Variants in KCNIP4 observed in about 807,000 individuals in gnomAD.
The protein encoded by KCNIP4 is potassium voltage-gated channel interacting protein 4.
Under a neutral mutation model 34.0 loss-of-function variants are expected in KCNIP4, and 12 were observed. The ratio of observed to expected loss-of-function variants is 0.35; its 90% CI spans 0.23 to 0.57. The LOEUF is 0.57. KCNIP4 is among the 20% of genes least tolerant of loss of function. The pLI is 0.83. For synonymous variants in KCNIP4, 124 were observed against 102.2 expected, an observed-to-expected ratio of 1.21 and a Z score of -1.29; for missense variants, 238 against 311.7, an observed-to-expected ratio of 0.76 and a Z score of 1.78.
chr4:21,166,938 C>CAAAAAAAAAAAAAAAAAAA (rs55649635), intron 1 of KCNIP4, among the ~76,000 whole-genome samples: 13 of 37,562 alleles, frequency 3.5e-4, no homozygotes, highest in African/African-American at 1.4e-3. Flanking sequence ...CACTCCATCT[C>CAAAAAAAAAAAAAAAAAAA]AAAAAAAAAA....
At chr4:21,070,842 A>G (rs1203742732) in intron 1 of KCNIP4, among the ~76,000 whole-genome samples, 1 of 151,134 alleles carries the variant, frequency 6.6e-6, no homozygotes, top group African/African-American at 2.4e-5. Context: ...TGCACGGCTA[A>G]TTTTTTGTAT....
At chr4:21,238,106 T>C (rs994146306) in intron 1 of KCNIP4, among the ~76,000 whole-genome samples, 1 of 152,124 alleles carries the variant, frequency 6.6e-6, no homozygotes, top group Non-Finnish European at 1.5e-5. Flanking sequence ...ATCCAGCATA[T>C]AAACAGAACC....
chr4:20,864,021 TATACATAC>T (rs1722496443), intron 2 of KCNIP4, among the ~76,000 whole-genome samples: 16 of 133,084 alleles, frequency 1.2e-4, no homozygotes, highest in Non-Finnish European at 2.6e-4. Flanking sequence ...TGTGTGTATG[TATACATAC>T]ATATGTATGT....
At chr4:21,007,210 C>A (rs995467422) in intron 1 of KCNIP4, among the ~76,000 whole-genome samples, 1 of 152,132 alleles carries the variant, frequency 6.6e-6, no homozygotes, top group Admixed American at 6.5e-5. Flanking sequence ...AGTCATCCAG[C>A]GTTGAAAGGC....
At chr4:20,934,490 G>A (rs1356557399) in intron 1 of KCNIP4, among the ~76,000 whole-genome samples, 1 of 151,642 alleles carries the variant, frequency 6.6e-6, no homozygotes, top group Non-Finnish European at 1.5e-5. Context: ...CAAATCCTTG[G>A]CAACTTTTTG....
At chr4:21,520,414 A>G (rs12647938) in intron 1 of KCNIP4, among the ~76,000 whole-genome samples, 49,009 of 152,076 alleles carry the variant, frequency 0.32, 8,250 homozygotes, top group South Asian at 0.46. Flanking sequence ...TATAGTAGCC[A>G]GAATTGACTA....
At chr4:20,848,417 A>G (rs1162102058) in intron 3 of KCNIP4, among the ~76,000 whole-genome samples, 1 of 151,898 alleles carries the variant, frequency 6.6e-6, no homozygotes, top group African/African-American at 2.4e-5. Flanking sequence ...GGATTAAAAA[A>G]GGGGAAAGAA....
intron 1 of KCNIP4, among the ~76,000 whole-genome samples, chr4:21,064,033 A>T (rs750902694): frequency 1.4e-4 from 21 of 152,148 alleles, no homozygotes; most frequent in Non-Finnish European, 5.9e-5. Flanking sequence ...ACTTGAAAAT[A>T]ATTAATTCTT....
intron 1 of KCNIP4, among the ~76,000 whole-genome samples, chr4:21,402,543 A>G (rs996025292): frequency 6.6e-6 from 1 of 152,178 alleles, no homozygotes; most frequent in Non-Finnish European, 1.5e-5. Flanking sequence ...CTGGTTTCCT[A>G]ACAATGGTAG....
chr4:21,298,100 C>G (rs1763944390), intron 1 of KCNIP4, among the ~76,000 whole-genome samples: 2 of 152,118 alleles, frequency 1.3e-5, no homozygotes, highest in Non-Finnish European at 2.9e-5. Flanking sequence ...TTCAGTCTTG[C>G]ATGATTGAGA....
In KCNIP4 at chr4:21,279,090, G is replaced by C. The variant is rs1762614820; in HGVS notation, c.62-396381C>G. 2.0e-5 allele frequency among the ~76,000 whole-genome samples: 3 copies of C among 152,158 alleles called. No individual in the cohort carries two copies. In the South Asian group the frequency reaches 6.2e-4, roughly 32 times the overall value. Reference sequence around the variant, plus strand: ...TGGAAAACTCAAGGACGATGAGTAAGAACAGATGTATTATGAAAGCTTATA... The same window carrying C: ...TGGAAAACTCAAGGACGATGAGTAACAACAGATGTATTATGAAAGCTTATA... On this transcript the variant is annotated intron_variant, in intron 1 of 8. Transcript: ENST00000382152.
intron 1 of KCNIP4, among the ~76,000 whole-genome samples, chr4:20,962,158 T>C (rs1471761191): frequency 6.6e-6 from 1 of 152,272 alleles, no homozygotes; most frequent in East Asian, 1.9e-4. Flanking sequence ...TGGGAGCAAA[T>C]TGCCAAAGAA....
chr4:20,775,745 C>A (rs757457332), intron 3 of KCNIP4, among the ~76,000 whole-genome samples: 18 of 152,116 alleles, frequency 1.2e-4, no homozygotes, highest in Non-Finnish European at 2.1e-4. Flanking sequence ...ATTGTTTTTA[C>A]AGTATATTCT....
intron 1 of KCNIP4, among the ~76,000 whole-genome samples, chr4:21,945,480 T>G (rs1309712324): frequency 2.6e-5 from 4 of 152,222 alleles, no homozygotes; most frequent in Non-Finnish European, 1.5e-5. Flanking sequence ...ATTACTAATT[T>G]GAGTTTGCCT....
intron 1 of KCNIP4, among the ~76,000 whole-genome samples, chr4:20,952,494 T>C (rs1732881665): frequency 6.6e-6 from 1 of 152,144 alleles, no homozygotes; most frequent in Non-Finnish European, 1.5e-5. Context: ...ATTGATACCT[T>C]GACAAGATGT....
At chr4:20,822,707 A>G (rs936561429) in intron 3 of KCNIP4, among the ~76,000 whole-genome samples, 4 of 152,188 alleles carry the variant, frequency 2.6e-5, no homozygotes, top group African/African-American at 9.6e-5. Flanking sequence ...CGCATGTGAG[A>G]AAAACATGAA....
chr4:21,721,519 T>C (rs1714820916), intron 1 of KCNIP4, among the ~76,000 whole-genome samples: 2 of 152,190 alleles, frequency 1.3e-5, no homozygotes. Context: ...ATAATCAACA[T>C]AGTTTCTAAT....
chr4:21,767,467 G>C (rs1057490180), intron 1 of KCNIP4, among the ~76,000 whole-genome samples: 2 of 151,960 alleles, frequency 1.3e-5, no homozygotes, highest in African/African-American at 4.8e-5. Context: ...ACAGGTGAGA[G>C]AGGTCGATGG....
chr4:21,406,352 G>T (rs772901355), intron 1 of KCNIP4, among the ~76,000 whole-genome samples: 33 of 152,082 alleles, frequency 2.2e-4, no homozygotes, highest in Non-Finnish European at 3.1e-4. Flanking sequence ...AGTGCAAAAG[G>T]CATAAATAAT....
Sources: gnomAD v4.1 joint callset for allele counts (sites outside exome capture counted in the v4.1 genomes callset) on GRCh38, gnomAD v4.1.1 for gene constraint, MANE v1.5 for transcripts, NCBI Gene and HGNC (gene_info 2026-07-23, HGNC 2026-07-21) for gene names.